APBA1: variants seen among roughly 807,000 people sequenced by gnomAD.
The protein encoded by APBA1 is amyloid-beta A4 precursor protein-binding family A member 1.
In APBA1, 55 loss-of-function variants were observed where a neutral mutation model predicts 86.6. The observed-to-expected ratio is 0.64, with a 90% confidence interval of 0.51 to 0.80. The LOEUF is 0.80. Among genes scored for constraint, APBA1 ranks in the 30% least tolerant of loss-of-function variants. The pLI, the probability that APBA1 is intolerant of heterozygous loss-of-function variation, is 0.00. For synonymous variants in APBA1, 511 were observed against 493.9 expected (o/e 1.03, Z -0.46); for missense variants, 1,090 against 1,183.0 (o/e 0.92, Z 1.15).
chr9:69,576,141 A>C (rs1318375164), intron 1 of APBA1, among the ~76,000 whole-genome samples: 1 of 152,244 alleles, frequency 6.6e-6, no homozygotes, highest in African/African-American at 2.4e-5. Flanking sequence ...AGAAATGCAA[A>C]TCAAAACCAC....
At chr9:69,654,287 T>A (rs537527626) in intron 1 of APBA1, among the ~76,000 whole-genome samples, 1 of 151,954 alleles carries the variant, frequency 6.6e-6, no homozygotes, top group African/African-American at 2.4e-5. Context: ...AACAAATCCT[T>A]AGCTAGACTT....
chr9:69,440,856 A>G, intron 11 of APBA1, 140 bp downstream of exon 11: 1 of 1,117,382 alleles, frequency 8.9e-7, no homozygotes, highest in Non-Finnish European at 1.3e-6. Context: ...TGCAGAAATT[A>G]CCCGTCTTCT....
intron 1 of APBA1, among the ~76,000 whole-genome samples, chr9:69,555,953 C>T (rs1036394477): frequency 3.3e-5 from 5 of 152,166 alleles, no homozygotes; most frequent in Non-Finnish European, 7.4e-5. Flanking sequence ...ACTCAGGTGC[C>T]TGTTTTAATC....
intron 1 of APBA1, among the ~76,000 whole-genome samples, chr9:69,660,135 A>G (rs541830095): frequency 1.3e-5 from 2 of 152,356 alleles, no homozygotes; most frequent in East Asian, 3.9e-4. Flanking sequence ...TTTTGAGAAG[A>G]AATGTCAATT....
intron 1 of APBA1, among the ~76,000 whole-genome samples, chr9:69,584,521 G>C (rs901946178): frequency 6.6e-6 from 1 of 152,160 alleles, no homozygotes; most frequent in Non-Finnish European, 1.5e-5. Context: ...CCTTAGGCAA[G>C]TTACTTAACC....
chr9:69,466,777 C>T (rs1301671584), intron 5 of APBA1, among the ~76,000 whole-genome samples: 3 of 152,218 alleles, frequency 2.0e-5, no homozygotes, highest in Admixed American at 1.3e-4. Flanking sequence ...TCTCCTTCCA[C>T]GTTACCACAC....
intron 1 of APBA1, among the ~76,000 whole-genome samples, chr9:69,587,109 A>G (rs1413109971): frequency 1.3e-5 from 2 of 152,168 alleles, no homozygotes; most frequent in African/African-American, 4.8e-5. Flanking sequence ...GCATCCATTC[A>G]TCCTACTTCC....
Position 69,593,226 on chromosome 9 carries a change from A to G in APBA1, c.-69-75947T>C, listed in dbSNP as rs147952937. 1.8e-4 allele frequency among the ~76,000 whole-genome samples: 27 copies of G among 151,900 alleles called. No individual in the cohort carries two copies. In the East Asian group the frequency reaches 4.8e-3, roughly 27 times the overall value. On this transcript the variant is annotated intron_variant, in intron 1 of 12. Transcript: ENST00000265381. ...CAACAGACTGTATTTCTTTCTTCTT[A>G]TCAGAATATTTGGAGGCTGATATAA...
At chr9:69,464,842 G>A (rs977218274) in intron 5 of APBA1, 4 of 152,154 alleles carry the variant, frequency 2.6e-5, no homozygotes, top group African/African-American at 9.7e-5. Context: ...TAAGGGGACT[G>A]GAAAGGCATA....
rs181845717 is a variant in APBA1 at position 69,488,618 on chromosome 9, G to A, written c.1201-12475C>T. Among the ~76,000 whole-genome samples the A allele has an allele frequency of 1.1e-3, 170 of 152,242 alleles. 10 individuals are homozygous for A. The highest frequency in any genetic ancestry group is 1.7e-3 in the East Asian group (9 of 5,182). On this transcript the variant is annotated intron_variant, in intron 2 of 12. Coordinates refer to ENST00000265381, the MANE Select transcript of APBA1 (RefSeq NM_001163.4). ...TTAGAGCACCTCCGCTCCAGTGGCC[G>A]AAGTGTGGCATGATGGCTGCCAAGA... is the stretch of plus-strand genomic sequence containing the variant.
intron 12 of APBA1, 122 bp downstream of exon 12, chr9:69,432,414 T>C (rs756713548): frequency 2.1e-6 from 2 of 932,882 alleles, no homozygotes; most frequent in African/African-American, 3.4e-5. Context: ...TGTTGGGGAG[T>C]GTTCAGGATT....
chr9:69,633,582 G>C (rs892489723), intron 1 of APBA1, among the ~76,000 whole-genome samples: 1 of 152,122 alleles, frequency 6.6e-6, no homozygotes, highest in African/African-American at 2.4e-5. Flanking sequence ...TATTTCCTCT[G>C]ACAACTTGAA....
intron 3 of APBA1, among the ~76,000 whole-genome samples, chr9:69,472,204 T>C (rs1835377097): frequency 6.6e-6 from 1 of 152,212 alleles, no homozygotes; most frequent in Non-Finnish European, 1.5e-5. Context: ...GTTGAAAAAC[T>C]CCATTATATA....
rs114509286 is a variant in APBA1, at chr9:69,552,344, G to A, written c.-69-35065C>T. On this transcript the variant is annotated intron_variant, in intron 1 of 12. Coordinates refer to ENST00000265381, the MANE Select transcript of APBA1 (RefSeq NM_001163.4). ...TATTAGAAAACACGTACCACAGAGC[G>A]AATGGAGAGTAATCAGCTAATGGCT... Among the ~76,000 whole-genome samples the A allele has an allele frequency of 9.2e-3, 1,396 of 152,290 alleles. 22 individuals carry two copies. Among genetic ancestry groups the A allele is most frequent in the African/African-American group, 0.031 (1,295 of 41,556 alleles).
chr9:69,573,704 A>G (rs1257217533), intron 1 of APBA1, among the ~76,000 whole-genome samples: 1 of 152,212 alleles, frequency 6.6e-6, no homozygotes, highest in Non-Finnish European at 1.5e-5. Context: ...GAGCTTCAGC[A>G]GTTTCTGACA....
At chr9:69,630,989 A>G (rs1446106853) in intron 1 of APBA1, among the ~76,000 whole-genome samples, 1 of 152,172 alleles carries the variant, frequency 6.6e-6, no homozygotes, top group African/African-American at 2.4e-5. Flanking sequence ...AGCAAGACAC[A>G]TATCTCCAGG....
At chr9:69,578,638 G>T (rs545114195) in intron 1 of APBA1, among the ~76,000 whole-genome samples, 1 of 152,274 alleles carries the variant, frequency 6.6e-6, no homozygotes, top group East Asian at 1.9e-4. Context: ...ATCTATCTTT[G>T]GGAATGTCAT....
chr9:69,437,143 G>A (rs11793760), intron 11 of APBA1, among the ~76,000 whole-genome samples: 59,851 of 151,338 alleles, frequency 0.4, 14,478 homozygotes, highest in African/African-American at 0.66. Context: ...GATCATGGTG[G>A]ATAAGCTTTT....
rs1835026272 is a variant in APBA1 at position 69,452,391 on chromosome 9, C to T, written c.1789-90G>A. On this transcript the variant is annotated intron_variant, in intron 8 of 12. Transcript: ENST00000265381. The stretch of plus-strand genomic sequence containing the variant: ...CACTTCCCACCTGAACAATGGCCCT[C>T]CTGGAGTCTGAGGAAACCCTAGACA... The T allele has an allele frequency of 4.6e-6, 6 of 1,318,090 alleles. No homozygotes were observed. The Admixed American group carries it at 9.6e-5, about 21-fold the overall frequency. The allele number at this position is 1,318,090 out of a possible 1,614,324, so 81.6% of individuals were successfully genotyped here. A position where few individuals can be genotyped will look rare whatever the true frequency, so the allele number is the denominator to read the frequency against.
Sources: allele counts gnomAD v4.1 joint callset (sites outside exome capture counted in the v4.1 genomes callset), GRCh38; gene constraint gnomAD v4.1.1; transcripts MANE v1.5; gene names NCBI Gene and HGNC (gene_info 2026-07-23, HGNC 2026-07-21).